MPP7: variants seen among roughly 807,000 people sequenced by gnomAD.
The protein encoded by MPP7 is MAGUK p55 subfamily member 7.
In MPP7, 60 loss-of-function variants were observed where a neutral mutation model predicts 76.5. The observed-to-expected ratio is 0.78, with a 90% CI of 0.64 to 0.97. The LOEUF (loss-of-function observed/expected upper bound fraction) is 0.97, where lower values mean the gene tolerates loss of function less well. Ranked by LOEUF, MPP7 falls within the 50% of genes least tolerant of loss-of-function variation. The pLI is 0.00. For missense variants in MPP7, 641 were observed against 694.0 expected (o/e 0.92, Z 0.86); for synonymous variants, 237 against 244.5 (o/e 0.97, Z 0.29).
At chr10:28,241,074 A>C (rs760367367) in intron 1 of MPP7, among the ~76,000 whole-genome samples, 6 of 152,182 alleles carry the variant, frequency 3.9e-5, no homozygotes, top group Non-Finnish European at 8.8e-5. Flanking sequence ...CTTTCTTCAC[A>C]GCTTAAAGAA....
At chr10:28,081,793 C>G (rs1183100493) in intron 12 of MPP7, among the ~76,000 whole-genome samples, 1 of 146,788 alleles carries the variant, frequency 6.8e-6, no homozygotes, top group Non-Finnish European at 1.5e-5. Context: ...GAGACAGAGT[C>G]TTGCTCTGTC....
chr10:28,140,068 C>G (rs1168090478), intron 5 of MPP7, among the ~76,000 whole-genome samples: 1 of 152,054 alleles, frequency 6.6e-6, no homozygotes, highest in Admixed American at 6.5e-5. Context: ...TATAGACAAT[C>G]AAGAAGTTAA....
rs200378075 is a variant in MPP7 at position 28,112,284 on chromosome 10, A to G, written c.952+7367T>C. Among the ~76,000 whole-genome samples the G allele has an allele frequency of 9.2e-5, 14 of 152,334 alleles. No homozygotes were observed. The East Asian group carries it at 2.5e-3, about 27-fold the overall frequency. The stretch of plus-strand genomic sequence containing the variant: ...TTTGAAATCTCAGGTACTCCATTAT[A>G]AAGTGGGTTGTTAAACATAGAGTCT... On this transcript the variant is annotated intron_variant, in intron 11 of 16. Coordinates refer to ENST00000683449, the MANE Select transcript of MPP7 (RefSeq NM_001318170.2).
intron 1 of MPP7, chr10:28,282,084 G>A (rs1415987983): frequency 2.0e-5 from 3 of 152,122 alleles, no homozygotes; most frequent in Non-Finnish European, 4.4e-5. Flanking sequence ...AGAACCTGCT[G>A]TTTATGAACA....
At chr10:28,202,453 G>A (rs550008997) in intron 2 of MPP7, among the ~76,000 whole-genome samples, 182 bp from the exon 3 acceptor site, 155 of 152,308 alleles carry the variant, frequency 1.0e-3, no homozygotes, top group Non-Finnish European at 1.7e-3. Flanking sequence ...TTCCAAAGCA[G>A]TGGTATGTAT....
intron 2 of MPP7, among the ~76,000 whole-genome samples, chr10:28,214,601 C>T (rs1018250507): frequency 6.6e-6 from 1 of 152,136 alleles, no homozygotes. Flanking sequence ...ACGATGAAAC[C>T]GCCTTTGCAA....
At chr10:28,218,184 A>G (rs141827983) in intron 2 of MPP7, among the ~76,000 whole-genome samples, 262 of 152,330 alleles carry the variant, frequency 1.7e-3, no homozygotes, top group Non-Finnish European at 3.0e-3. Context: ...AGAATTGGCT[A>G]TGGTTCAACT....
chr10:28,087,559 C>T (rs1853078582), intron 12 of MPP7, among the ~76,000 whole-genome samples: 1 of 152,084 alleles, frequency 6.6e-6, no homozygotes, highest in Admixed American at 6.6e-5. Context: ...CTACACCTGA[C>T]TAATTTTTAT....
chr10:28,068,049 A>C (rs769062811), intron 13 of MPP7, among the ~76,000 whole-genome samples: 11 of 152,292 alleles, frequency 7.2e-5, no homozygotes, highest in Middle Eastern at 6.8e-3. Flanking sequence ...TAGGAAGTTT[A>C]AAAATTCGTT....
rs1009221354 is a variant in MPP7 at position 28,052,448 on chromosome 10, T to C, written c.*1617A>G. On this transcript the variant is annotated 3_prime_UTR_variant, in exon 17 of 17. Transcript: ENST00000683449. ...TTGGTGTGACTATGTGTCAAGGCCA[T>C]TGGAGTGGTTTTTGTCTCTGCTTCT... 2.0e-5 allele frequency: 3 copies of C among 152,526 alleles called. No homozygotes were observed. Among genetic ancestry groups the C allele is most frequent in the Non-Finnish European group, 4.4e-5 (3 of 68,030 alleles). 9.4% of individuals were successfully genotyped at this position (152,526 alleles called of 1,614,324 possible).
At chr10:28,103,223 C>A (rs1018297276) in intron 11 of MPP7, among the ~76,000 whole-genome samples, 4 of 149,356 alleles carry the variant, frequency 2.7e-5, no homozygotes, top group African/African-American at 9.9e-5. Context: ...AGGGCCTTTG[C>A]ATACGCTGTC....
intron 2 of MPP7, among the ~76,000 whole-genome samples, chr10:28,212,042 G>A (rs972596691): frequency 6.6e-6 from 1 of 152,034 alleles, no homozygotes; most frequent in Non-Finnish European, 1.5e-5. Context: ...GAGCCCAGGA[G>A]ATCTAGGCTG....
intron 1 of MPP7, among the ~76,000 whole-genome samples, chr10:28,298,306 C>G (rs1275202539): frequency 6.6e-6 from 1 of 152,176 alleles, no homozygotes; most frequent in Non-Finnish European, 1.5e-5. Flanking sequence ...TAAATAATAA[C>G]TCTTGAAAGT....
intron 2 of MPP7, among the ~76,000 whole-genome samples, chr10:28,222,285 G>A (rs1158679249): frequency 6.6e-6 from 1 of 151,774 alleles, no homozygotes; most frequent in Non-Finnish European, 1.5e-5. Context: ...GGCCACTTGA[G>A]CTCAGGAGTT....
At position 28,053,963 on chromosome 10, in the gene MPP7, C is replaced by T. The variant is rs1394106737; in HGVS notation, c.*102G>A. ...GCATTCAACTTGAACCAAGATTGTA[C>T]ATCTATGACAGTGATATAGATTTAA... On this transcript the variant is annotated 3_prime_UTR_variant, in exon 17 of 17. Transcript: ENST00000683449. 5.8e-6 allele frequency: 5 copies of T among 855,374 alleles called. No homozygotes were observed. The African/African-American group carries it at 6.8e-5, about 12-fold the overall frequency. 53.0% of individuals were successfully genotyped at this position (855,374 alleles called of 1,614,324 possible). A position where few individuals can be genotyped will look rare whatever the true frequency, so the allele number is the denominator to read the frequency against.
rs139459434 is a variant in MPP7 at position 28,220,397 on chromosome 10, G to A, written c.38-18126C>T. Among the ~76,000 whole-genome samples, 30 of 151,754 alleles carry A rather than the reference G, an allele frequency of 2.0e-4. No individual in the cohort carries two copies. The East Asian group carries it at 4.2e-3, about 21-fold the overall frequency. ...CTTTCCAAAAATCGATTACATTTAC[G>A]TTACATTAAAACAATTACAGGCTTT... is the stretch of plus-strand genomic sequence containing the variant. On this transcript the variant is annotated intron_variant, in intron 2 of 16. Coordinates refer to ENST00000683449, the MANE Select transcript of MPP7 (RefSeq NM_001318170.2).
chr10:28,147,161 C>A (rs1165367433), intron 5 of MPP7, among the ~76,000 whole-genome samples: 1 of 152,086 alleles, frequency 6.6e-6, no homozygotes, highest in African/African-American at 2.4e-5. Flanking sequence ...CCATTAACTA[C>A]CCAAGTAAAA....
intron 3 of MPP7, among the ~76,000 whole-genome samples, chr10:28,185,502 A>C (rs914466321): frequency 2.0e-5 from 3 of 152,188 alleles, no homozygotes; most frequent in Non-Finnish European, 4.4e-5. Flanking sequence ...CACTAGACTC[A>C]AAAGAAAACA....
At chr10:28,171,113 G>C (rs964575629) in intron 3 of MPP7, among the ~76,000 whole-genome samples, 4 of 152,068 alleles carry the variant, frequency 2.6e-5, no homozygotes, top group Non-Finnish European at 5.9e-5. Context: ...ATTAGGTGTC[G>C]AGTAATGTGC....
Sources: gnomAD v4.1 joint callset for allele counts (sites outside exome capture counted in the v4.1 genomes callset) on GRCh38, gnomAD v4.1.1 for gene constraint, MANE v1.5 for transcripts, NCBI Gene and HGNC (gene_info 2026-07-23, HGNC 2026-07-21) for gene names.